The following PHF24 variants were observed in gnomAD, a reference collection of about 807,000 sequenced individuals.
The protein encoded by PHF24 is PHD finger protein 24.
Under a neutral mutation model 42.6 loss-of-function variants are expected in PHF24, and 25 were observed. That is an observed-to-expected ratio of 0.59 (90% CI 0.43 to 0.82). The LOEUF is 0.82. Among genes scored for constraint, PHF24 ranks in the 40% least tolerant of loss-of-function variants. PHF24 has a pLI of 0.00. For synonymous variants in PHF24, 185 were observed against 204.8 expected (o/e 0.90, Z 0.83); for missense variants, 470 against 538.1 (o/e 0.87, Z 1.25).
chr9:34,867,539 C>T, the PHF24 span, among the ~76,000 whole-genome samples: 2 of 152,194 alleles, frequency 1.3e-5, no homozygotes, highest in Non-Finnish European at 2.9e-5. Flanking sequence ...TAGTAAGGCA[C>T]TGGATTTCCT....
At chr9:34,938,959 T>G in the PHF24 span, among the ~76,000 whole-genome samples, 5 of 110,016 alleles carry the variant, frequency 4.5e-5, no homozygotes, top group East Asian at 1.1e-3. Context: ...AAAAAAGCCA[T>G]GAGCGTGATT....
chr9:34,880,297 G>A, the PHF24 span, among the ~76,000 whole-genome samples: 2,812 of 152,202 alleles, frequency 0.018, 94 homozygotes, highest in African/African-American at 0.064. Flanking sequence ...ATCAACTAAC[G>A]AGCAAAATAA....
At chr9:34,903,509 C>T in the PHF24 span, among the ~76,000 whole-genome samples, 9 of 152,176 alleles carry the variant, frequency 5.9e-5, no homozygotes, top group African/African-American at 1.2e-4. Context: ...GAAGCTGCAG[C>T]GAGCTGTGAT....
the PHF24 span, among the ~76,000 whole-genome samples, chr9:34,768,498 G>A: frequency 6.6e-6 from 1 of 151,968 alleles, no homozygotes; most frequent in Admixed American, 6.6e-5. Context: ...TTCCCTTTCT[G>A]CATTTCAGAC....
the PHF24 span, among the ~76,000 whole-genome samples, chr9:34,827,535 G>A: frequency 5.8e-5 from 5 of 85,598 alleles, no homozygotes; most frequent in African/African-American, 2.3e-4. Flanking sequence ...TCCCATCAGA[G>A]GAAGCAAGTA....
the PHF24 span, among the ~76,000 whole-genome samples, chr9:34,886,398 G>A: frequency 6.6e-6 from 1 of 151,992 alleles, no homozygotes; most frequent in Non-Finnish European, 1.5e-5. Flanking sequence ...CAGTCACATC[G>A]GTTCCTCCAC....
At chr9:34,728,244 G>A in the PHF24 span, among the ~76,000 whole-genome samples, 2 of 152,210 alleles carry the variant, frequency 1.3e-5, no homozygotes, top group South Asian at 2.1e-4. Flanking sequence ...GTAACACAAT[G>A]TCCCATATCT....
the PHF24 span, among the ~76,000 whole-genome samples, chr9:34,845,065 C>T: frequency 2.0e-5 from 3 of 152,094 alleles, no homozygotes; most frequent in South Asian, 6.2e-4. Context: ...TTGACCTCTC[C>T]ATCATTATAT....
the PHF24 span, among the ~76,000 whole-genome samples, chr9:34,696,272 GA>G: frequency 6.6e-6 from 1 of 152,086 alleles, no homozygotes; most frequent in Non-Finnish European, 1.5e-5. Flanking sequence ...CAGATCACTT[GA>G]GGTCAGGAGT....
the PHF24 span, chr9:34,889,704 G>A: frequency 2.5e-6 from 1 of 398,066 alleles, no homozygotes; most frequent in Middle Eastern, 6.3e-4. Flanking sequence ...GCCCTAGAAA[G>A]TGTGGCCCTG....
the PHF24 span, among the ~76,000 whole-genome samples, chr9:34,808,268 TG>T: frequency 6.6e-6 from 1 of 152,146 alleles, no homozygotes. Flanking sequence ...GACTTATATA[TG>T]TATGTAGTGT....
At chr9:34,710,139 G>T in the PHF24 span, 1 of 1,289,250 alleles carries the variant, frequency 7.8e-7, no homozygotes, top group Non-Finnish European at 1.1e-6. Context: ...GGGTCTGTGC[G>T]TGGGCTGGGA....
At chr9:34,769,386 G>T in the PHF24 span, among the ~76,000 whole-genome samples, 2 of 152,172 alleles carry the variant, frequency 1.3e-5, no homozygotes, top group Non-Finnish European at 2.9e-5. Flanking sequence ...CTCCCAAAGT[G>T]CTGGGATTAC....
chr9:34,839,950 G>C, the PHF24 span, among the ~76,000 whole-genome samples: 17 of 152,220 alleles, frequency 1.1e-4, no homozygotes, highest in African/African-American at 4.1e-4. Flanking sequence ...TAGGGAAAAG[G>C]ACTGTTCCAG....
At chr9:34,688,952 G>A in the PHF24 span, among the ~76,000 whole-genome samples, 3 of 152,222 alleles carry the variant, frequency 2.0e-5, no homozygotes, top group Non-Finnish European at 4.4e-5. Flanking sequence ...GGTGATGAAT[G>A]CTGTGAGGGG....
the PHF24 span, among the ~76,000 whole-genome samples, chr9:34,782,648 G>C: frequency 1.3e-5 from 2 of 152,172 alleles, no homozygotes; most frequent in Non-Finnish European, 2.9e-5. Flanking sequence ...GCAGAGGTAA[G>C]GGTCTGACTT....
the PHF24 span, among the ~76,000 whole-genome samples, chr9:34,746,795 G>C: frequency 3.3e-5 from 5 of 152,102 alleles, no homozygotes; most frequent in African/African-American, 1.2e-4. Flanking sequence ...CCCTCTTATT[G>C]TGTGTGGCAT....
the PHF24 span, among the ~76,000 whole-genome samples, chr9:34,872,522 C>A: frequency 6.6e-6 from 1 of 151,310 alleles, no homozygotes; most frequent in Non-Finnish European, 1.5e-5. Flanking sequence ...CATGTCCCTA[C>A]AAAGGACATG....
the PHF24 span, among the ~76,000 whole-genome samples, chr9:34,668,736 G>A: frequency 6.6e-6 from 1 of 152,296 alleles, no homozygotes; most frequent in Admixed American, 6.5e-5. Context: ...TTCCTTATGG[G>A]CCTCAAGATC....
Sources: gnomAD v4.1 joint callset for allele counts (sites outside exome capture counted in the v4.1 genomes callset) on GRCh38, gnomAD v4.1.1 for gene constraint, MANE v1.5 for transcripts, NCBI Gene and HGNC (gene_info 2026-07-23, HGNC 2026-07-21) for gene names.